The following MX1 variants were observed in gnomAD, a reference collection of about 807,000 sequenced individuals.
MX1 encodes MX dynamin like GTPase 1.
MX1 carries 66 observed loss-of-function variants against 66.4 expected under a neutral mutation model. The observed-to-expected ratio is 0.99, with a 90% confidence interval of 0.82 to 1.22. MX1 has a LOEUF of 1.22. MX1 is among the 50% of genes most tolerant of loss of function. The pLI is 0.00. For missense variants in MX1, 787 were observed against 834.3 expected, an observed-to-expected ratio of 0.94 and a Z score of 0.70; for synonymous variants, 311 against 318.1, an observed-to-expected ratio of 0.98 and a Z score of 0.24.
rs202157849 is a variant in MX1, at chr21:41,451,128, A to T, written c.1433-39A>T. 4.8e-3 allele frequency: 6,579 copies of T among 1,368,432 alleles called. 28 individuals carry two copies. Among genetic ancestry groups the T allele is most frequent in the South Asian group, 6.5e-3 (547 of 83,796 alleles). 84.8% of individuals were successfully genotyped at this position (1,368,432 alleles called of 1,614,324 possible). On this transcript the variant is annotated intron_variant, in intron 14 of 16. Coordinates refer to ENST00000398598, the MANE Select transcript of MX1 (RefSeq NM_002462.5). ...TTGCATCTTAAGAAGAGAACAAATG[A>T]TCCTACCAATATTGAACTATTTTTC...
At chr21:41,439,638 G>A in intron 7 of MX1, 56 bp from the exon 8 acceptor site, 1 of 1,539,200 alleles carries the variant, frequency 6.5e-7, no homozygotes, top group East Asian at 2.3e-5. Flanking sequence ...TCACCATCAT[G>A]AGATCCGTTT....
chr21:41,436,763 G>A (rs1248839529), intron 6 of MX1, among the ~76,000 whole-genome samples: 3 of 152,214 alleles, frequency 2.0e-5, no homozygotes, highest in Non-Finnish European at 4.4e-5. Context: ...GGATGAGGCA[G>A]GAAGCCAAAA....
chr21:41,435,957 A>G lies in MX1; in HGVS notation c.226A>G (p.Ile76Val), dbSNP rs200341832. ...QDLALPAIAV[I>V]GDQSSGKSSV... ...CCTGGCCCTGCCAGCCATCGCCGTC[A>G]TCGGGGACCAGAGCTCGGGCAAGAG... is the stretch of plus-strand genomic sequence containing the variant. Residue 76 changes from isoleucine to valine, a missense_variant, in exon 6 of 17, where the codon ATC becomes GTC. Physicochemically the swap from Ile to Val is conservative, Grantham distance 29 (BLOSUM62 3). Transcript: ENST00000398598. 5.5e-5 allele frequency: 89 copies of G among 1,614,244 alleles called. No homozygotes were observed. The Admixed American group carries it at 1.1e-3, about 20-fold the overall frequency.
chr21:41,456,817 A>G (rs2146379474), intron 16 of MX1, among the ~76,000 whole-genome samples: 1 of 152,042 alleles, frequency 6.6e-6, no homozygotes, highest in South Asian at 2.1e-4. Context: ...GCTGGAGTGC[A>G]GTGGCGCAGT....
chr21:41,445,043 A>G (rs2146266654), intron 11 of MX1, among the ~76,000 whole-genome samples: 1 of 152,356 alleles, frequency 6.6e-6, no homozygotes, highest in Non-Finnish European at 1.5e-5. Flanking sequence ...TGCAAGCAAC[A>G]TAAAAGTTGT....
chr21:41,452,216 C>T (rs533595538), intron 15 of MX1, among the ~76,000 whole-genome samples: 16 of 152,276 alleles, frequency 1.1e-4, no homozygotes, highest in African/African-American at 1.9e-4. Context: ...CTCTAAACCC[C>T]GGGAACATAA....
chr21:41,429,694 C>T (rs545828100), intron 3 of MX1: 22 of 152,186 alleles, frequency 1.4e-4, no homozygotes, highest in African/African-American at 4.8e-4. Context: ...ATTACGAGGT[C>T]AGGAAATTGA....
intron 5 of MX1, among the ~76,000 whole-genome samples, chr21:41,432,749 G>T (rs1038265806): frequency 6.6e-6 from 1 of 152,152 alleles, no homozygotes; most frequent in African/African-American, 2.4e-5. Context: ...GCTTTATATG[G>T]CTGAGAGCAA....
intron 1 of MX1, chr21:41,426,981 G>C (rs905461937): frequency 2.6e-5 from 4 of 152,304 alleles, no homozygotes; most frequent in African/African-American, 9.6e-5. Flanking sequence ...CAGTCCCGGG[G>C]GTGGCAGAAG....
rs779580120 is a variant in MX1 at position 41,441,070 on chromosome 21, C to T, written c.730+45C>T. On this transcript the variant is annotated intron_variant, in intron 9 of 16. Transcript: ENST00000398598. This position sits in a 1 kb window ranked among gnomAD's most constrained non-coding sequence, Gnocchi z 4.0. ...ACTGTGCTCAGTGAGAATGGGGGAG[C>T]CCGCCTGTGCTCGGTGAGAATGGGG... 2 of 1,508,762 alleles carry T rather than the reference C, an allele frequency of 1.3e-6. No homozygotes were observed. Among genetic ancestry groups the T allele is most frequent in the African/African-American group, 2.8e-5 (2 of 71,050 alleles). 93.5% of individuals were successfully genotyped at this position (1,508,762 alleles called of 1,614,324 possible).
upstream of MX1, among the ~76,000 whole-genome samples, chr21:41,425,315 C>G (rs1305446323): frequency 6.6e-6 from 1 of 152,054 alleles, no homozygotes; most frequent in Non-Finnish European, 1.5e-5. Context: ...GGGTTGTTCT[C>G]TGGTGGGCAG....
Position 41,442,006 on chromosome 21 carries a change from A to AGTGAGTGT in MX1, c.929+95_929+96insAGTGTGTG, listed in dbSNP as rs1555885675. The AGTGAGTGT allele has an allele frequency of 3.0e-5, 27 of 909,802 alleles. No individual in the cohort carries two copies. The South Asian group carries it at 3.9e-4, about 13-fold the overall frequency. 56.4% of individuals were successfully genotyped at this position (909,802 alleles called of 1,614,324 possible). ...TGGCAGCCGTCCCACAGATGTGTGG[A>AGTGAGTGT]GTGTGTGTGTGTGTGTGTGCGTGTG... On this transcript the variant is annotated intron_variant, in intron 10 of 16. Transcript: ENST00000398598.
Position 41,427,245 on chromosome 21 carries a change from G to A in MX1, c.-269G>A, listed in dbSNP as rs747879363. On this transcript the variant is annotated 5_prime_UTR_variant, in exon 2 of 17. Transcript: ENST00000398598. ...TGCCGGCCAGGAATCCCAGTGTCAC[G>A]GTGGACACGCCTCCCTCGCGCCCTT... 1.3e-5 allele frequency: 2 copies of A among 152,276 alleles called. No individual in the cohort carries two copies. Among genetic ancestry groups the A allele is most frequent in the East Asian group, 3.8e-4 (2 of 5,198 alleles). 9.4% of individuals were successfully genotyped at this position (152,276 alleles called of 1,614,324 possible).
At chr21:41,442,744 G>A (rs1026640366) in intron 10 of MX1, 1 of 152,148 alleles carries the variant, frequency 6.6e-6, no homozygotes, top group African/African-American at 2.4e-5. Flanking sequence ...AAAGCAATGT[G>A]GTCTGTACAA....
At chr21:41,442,609 A>G (rs2090552058) in intron 10 of MX1, 1 of 152,280 alleles carries the variant, frequency 6.6e-6, no homozygotes, top group Non-Finnish European at 1.5e-5. Flanking sequence ...CAGTTCTCCC[A>G]GAAGCCTACA....
In MX1 at chr21:41,449,124, T is replaced by A; in HGVS notation, c.1274-13T>A. 1 of 1,569,026 alleles carries A rather than the reference T, an allele frequency of 6.4e-7. No homozygotes were observed. Among genetic ancestry groups the A allele is most frequent in the South Asian group, 1.2e-5 (1 of 84,554 alleles). The stretch of plus-strand genomic sequence containing the variant: ...TTGTAAAATAATTTAGAGGGTTTTT[T>A]TTCCTGCTATAGGCCATAAAATTTT... On this transcript the variant is annotated splice_polypyrimidine_tract_variant and intron_variant, in intron 13 of 16. Transcript: ENST00000398598.
At chr21:41,452,029 C>T (rs2090845837) in intron 15 of MX1, among the ~76,000 whole-genome samples, 1 of 151,992 alleles carries the variant, frequency 6.6e-6, no homozygotes, top group Non-Finnish European at 1.5e-5. Context: ...CCACTTCCAG[C>T]CTGTGCCCCT....
chr21:41,445,799 G>A (rs532427967), intron 12 of MX1: 15 of 830,426 alleles, frequency 1.8e-5, no homozygotes, highest in East Asian at 1.3e-4. Context: ...ACTCTGTCAC[G>A]AGCATCACCC....
At chr21:41,431,557 C>CCT (rs2090213297) in intron 4 of MX1, among the ~76,000 whole-genome samples, 1 of 151,448 alleles carries the variant, frequency 6.6e-6, no homozygotes, top group Admixed American at 6.6e-5. Flanking sequence ...CTGACTGCAT[C>CCT]CTCTGCCTGC....
Sources: allele counts gnomAD v4.1 joint callset (sites outside exome capture counted in the v4.1 genomes callset), GRCh38; gene constraint gnomAD v4.1.1; non-coding constraint Gnocchi (gnomAD v3.1); transcripts MANE v1.5; gene names NCBI Gene and HGNC (gene_info 2026-07-23, HGNC 2026-07-21).